Variants in TEX11 observed in about 807,000 individuals in gnomAD.
TEX11 encodes testis expressed 11, also known as testis-expressed protein 11.
TEX11 carries 7 observed loss-of-function variants against 84.4 expected under a neutral mutation model. The observed-to-expected ratio is 0.08, with a 90% CI of 0.05 to 0.16. The LOEUF (loss-of-function observed/expected upper bound fraction) is 0.16. Ranked by LOEUF, TEX11 falls within the 10% of genes least tolerant of loss-of-function variation. The probability of loss-of-function intolerance (pLI) is 1.00; values close to 1 mark genes in which losing one functional copy is unlikely to be tolerated. For synonymous variants in TEX11, 264 were observed against 222.8 expected (o/e 1.18, Z -1.64); for missense variants, 551 against 660.5 (o/e 0.83, Z 1.82).
intron 27 of TEX11, among the ~76,000 whole-genome samples, chrX:70,552,849 A>G (rs1466092711): frequency 9.0e-6 from 1 of 111,609 alleles, no homozygotes; most frequent in African/African-American, 3.3e-5. Flanking sequence ...CCAGCTACTC[A>G]TGAAGCTGAG....
At chrX:70,524,543 CAATT>C (rs1349708878), downstream of TEX11, among the ~76,000 whole-genome samples, 1 of 112,384 alleles carries the variant, frequency 8.9e-6, no homozygotes, top group East Asian at 2.8e-4. Flanking sequence ...GTGATACAAT[CAATT>C]AGATGGTTTT....
chrX:70,638,311 T>C (rs1024970804), intron 17 of TEX11, among the ~76,000 whole-genome samples: 3 of 111,223 alleles, frequency 2.7e-5, no homozygotes, highest in Non-Finnish European at 5.7e-5. Context: ...AGCAGAAATA[T>C]AGGCCACGAA....
intron 9 of TEX11, among the ~76,000 whole-genome samples, chrX:70,744,861 T>G (rs1345164917): frequency 9.3e-6 from 1 of 107,904 alleles, no homozygotes; most frequent in South Asian, 4.0e-4. Flanking sequence ...TAGGAACTCA[T>G]CACCATGCGT....
At chrX:70,815,199 C>T (rs891341971) in intron 8 of TEX11, among the ~76,000 whole-genome samples, 15 of 112,137 alleles carry the variant, frequency 1.3e-4, no homozygotes, top group African/African-American at 4.2e-4. Context: ...TTACAAGAGT[C>T]TCAAATATCA....
chrX:70,721,196 T>C (rs938571122), intron 13 of TEX11, among the ~76,000 whole-genome samples: 2 of 111,331 alleles, frequency 1.8e-5, no homozygotes, highest in Non-Finnish European at 3.8e-5. Context: ...ATAATGAAAA[T>C]TGTATAAAAT....
the TEX11 span, among the ~76,000 whole-genome samples, chrX:70,522,507 T>A: frequency 5.4e-5 from 6 of 111,454 alleles, no homozygotes; most frequent in South Asian, 2.3e-3. Flanking sequence ...AAAGGAGGGG[T>A]ATTTAAAGAA....
chrX:70,539,038 A>ATATATTT lies in TEX11; in HGVS notation c.2521-9040_2521-9039insAAATATA. Among the ~76,000 whole-genome samples, 35 of 41,245 alleles carry ATATATTT rather than the reference A, an allele frequency of 8.5e-4. 1 individual carries two copies. Among genetic ancestry groups the ATATATTT allele is most frequent in the African/African-American group, 3.2e-3 (35 of 10,888 alleles). 35.8% of individuals were successfully genotyped at this position (41,245 alleles called of 115,157 possible). A position where few individuals can be genotyped will look rare whatever the true frequency, so the allele number is the denominator to read the frequency against. On this transcript the variant is annotated intron_variant, in intron 28 of 29. Transcript: ENST00000374333. ...CTTGGAAATATATATATATATATATATTTTTTTTTTTTTTAAGATGGAGTC... is the reference window on the plus strand; with the variant it reads ...CTTGGAAATATATATATATATATATATATATTTTTTTTTTTTTTTTTAAGATGGAGTC...
At chrX:70,868,643 A>G (rs1201914887) in intron 4 of TEX11, among the ~76,000 whole-genome samples, 1 of 111,768 alleles carries the variant, frequency 8.9e-6, no homozygotes, top group Non-Finnish European at 1.9e-5. Context: ...CTCATCAATG[A>G]TAGACTGGAT....
chrX:70,696,037 A>G (rs997132979), intron 13 of TEX11, among the ~76,000 whole-genome samples: 1 of 111,677 alleles, frequency 9.0e-6, no homozygotes, highest in African/African-American at 3.3e-5. Flanking sequence ...CAGGGTATGA[A>G]AACTGTGCAC....
intron 18 of TEX11, 57 bp downstream of exon 18, chrX:70,629,554 T>C (rs932342654): frequency 4.4e-6 from 5 of 1,141,113 alleles, no homozygotes; most frequent in East Asian, 3.0e-5. Context: ...ATTCTATTAA[T>C]TGTCTTTCAA....
chrX:70,512,448 G>C, the TEX11 span, among the ~76,000 whole-genome samples: 1 of 107,490 alleles, frequency 9.3e-6, no homozygotes, highest in South Asian at 4.1e-4. Flanking sequence ...TGAACTCCTG[G>C]CCTCAAGTGG....
intron 18 of TEX11, 35 bp downstream of exon 18, chrX:70,629,576 G>A (rs373029310): frequency 8.6e-5 from 102 of 1,192,386 alleles, no homozygotes; most frequent in Non-Finnish European, 1.1e-4. Flanking sequence ...AAGGAAAAGG[G>A]ATAAAAATCT....
At chrX:70,730,096 A>G (rs2090633838) in intron 11 of TEX11, among the ~76,000 whole-genome samples, 1 of 111,979 alleles carries the variant, frequency 8.9e-6, no homozygotes, top group African/African-American at 3.2e-5. Flanking sequence ...TCCTTTACAG[A>G]TAAGCAAATG....
chrX:70,815,871 TC>T (rs1205450702), intron 8 of TEX11, among the ~76,000 whole-genome samples: 2 of 112,242 alleles, frequency 1.8e-5, no homozygotes, highest in East Asian at 5.5e-4. Context: ...TTTTAGGACT[TC>T]ACAAAATCAT....
chrX:70,788,973 T>TATATATATATATAG (rs1211700739), intron 9 of TEX11, among the ~76,000 whole-genome samples: 1 of 9,560 alleles, frequency 1.0e-4, no homozygotes, highest in Non-Finnish European at 1.8e-4. Flanking sequence ...TATATATATA[T>TATATATATATATAG]AGAGAGAGAG....
At position 70,572,165 on chromosome X, in the gene TEX11, AC is replaced by A. The variant is rs1220674869; in HGVS notation, c.2141-17366del. 1.2e-4 allele frequency among the ~76,000 whole-genome samples: 13 copies of A among 110,249 alleles called. No individual in the cohort carries two copies. In the East Asian group the frequency reaches 1.4e-3, roughly 12 times the overall value. ...AAACAAATTTACAAGAAAAAAAAAA[AC>A]AACCCCATCAAAAAGTGGGCAAAGG... On this transcript the variant is annotated intron_variant, in intron 25 of 29. Transcript: ENST00000374333.
At chrX:70,762,415 G>T (rs1042541730) in intron 9 of TEX11, among the ~76,000 whole-genome samples, 21 of 111,442 alleles carry the variant, frequency 1.9e-4, no homozygotes, top group African/African-American at 6.8e-4. Flanking sequence ...AAAGCAGGGG[G>T]TCGAAGCTCC....
intron 9 of TEX11, among the ~76,000 whole-genome samples, chrX:70,804,137 C>T (rs2091204953): frequency 8.9e-6 from 1 of 112,074 alleles, no homozygotes; most frequent in African/African-American, 3.2e-5. Flanking sequence ...ACAAGAGAGT[C>T]CATCTCTAAT....
chrX:70,725,430 C>T, intron 11 of TEX11, 87 bp from the exon 12 acceptor site: 7 of 569,565 alleles, frequency 1.2e-5, no homozygotes, highest in Non-Finnish European at 1.9e-5. Flanking sequence ...TATTCAACCA[C>T]CTTGGGATAA....
Sources: allele counts gnomAD v4.1 joint callset (sites outside exome capture counted in the v4.1 genomes callset), GRCh38; gene constraint gnomAD v4.1.1; transcripts MANE v1.5; gene names NCBI Gene and HGNC (gene_info 2026-07-23, HGNC 2026-07-21).